Variants in SGK3 observed in about 807,000 individuals in gnomAD.
SGK3 encodes serum/glucocorticoid regulated kinase family member 3, also known as serine/threonine-protein kinase Sgk3.
A neutral mutation model predicts 68.5 loss-of-function variants in SGK3; 47 were observed. The ratio of observed to expected loss-of-function variants is 0.69; its 90% CI spans 0.54 to 0.87. The LOEUF (loss-of-function observed/expected upper bound fraction) is 0.87, where lower values mean the gene tolerates loss of function less well. SGK3 is among the 40% of genes least tolerant of loss of function. The pLI, the probability that SGK3 is intolerant of heterozygous loss-of-function variation, is 0.00. For missense variants in SGK3, 479 were observed against 575.5 expected (o/e 0.83, Z 1.72); for synonymous variants, 181 against 189.1 (o/e 0.96, Z 0.35).
At chr8:66,832,032 A>G (rs1809323152) in intron 8 of SGK3, among the ~76,000 whole-genome samples, 1 of 152,204 alleles carries the variant, frequency 6.6e-6, no homozygotes, top group Non-Finnish European at 1.5e-5. Flanking sequence ...ACAAAGGACA[A>G]TAGGCAGCTG....
At chr8:66,835,602 A>G (rs1448983085) in intron 8 of SGK3, among the ~76,000 whole-genome samples, 161 bp from the exon 9 acceptor site, 2 of 152,208 alleles carry the variant, frequency 1.3e-5, no homozygotes, top group African/African-American at 2.4e-5. Flanking sequence ...TGACAAAGAA[A>G]AGGTGCCTGA....
intron 8 of SGK3, among the ~76,000 whole-genome samples, chr8:66,831,528 A>C (rs1346045215): frequency 6.6e-6 from 1 of 152,068 alleles, no homozygotes; most frequent in Non-Finnish European, 1.5e-5. Flanking sequence ...TTTTGTAGAC[A>C]GGGCCTTGCT....
intron 1 of SGK3, among the ~76,000 whole-genome samples, chr8:66,748,628 C>T (rs992510369): frequency 6.6e-6 from 1 of 152,146 alleles, no homozygotes; most frequent in Non-Finnish European, 1.5e-5. Flanking sequence ...CCCACAGGAC[C>T]AGGCCAGCAG....
At chr8:66,821,345 T>C (rs1808805752) in intron 5 of SGK3, among the ~76,000 whole-genome samples, 1 of 152,210 alleles carries the variant, frequency 6.6e-6, no homozygotes, top group Admixed American at 6.5e-5. Flanking sequence ...AAAATGATAC[T>C]GTGTTATAGT....
chr8:66,826,037 AT>A (rs969745299), intron 6 of SGK3, among the ~76,000 whole-genome samples: 4 of 151,972 alleles, frequency 2.6e-5, no homozygotes, highest in African/African-American at 9.7e-5. Flanking sequence ...CAATGGCTCA[AT>A]CTCGGCTCAC....
Position 66,726,801 on chromosome 8 carries a change from T to TAAAAAAAAAAAAAAAAAAAAAAAAAAAA in SGK3, c.-122+13990_-122+13991insAAAAAAAAAAAAAAAAAAAAAAAAAAAA, listed in dbSNP as rs560794837. On this transcript the variant is annotated intron_variant, in intron 1 of 16. Transcript: ENST00000521198. Reference sequence around the variant, plus strand: ...GAATGACAGAGCAAGACCCTGTCTGTAAAAAAAAAAAAAAAAAAAAAAGAT... The same window carrying TAAAAAAAAAAAAAAAAAAAAAAAAAAAA: ...GAATGACAGAGCAAGACCCTGTCTGTAAAAAAAAAAAAAAAAAAAAAAAAAAAAAAAAAAAAAAAAAAAAAAAAAAGAT... Among the ~76,000 whole-genome samples the TAAAAAAAAAAAAAAAAAAAAAAAAAAAA allele has an allele frequency of 2.0e-4, 16 of 80,972 alleles. 1 individual carries two copies. Among genetic ancestry groups the TAAAAAAAAAAAAAAAAAAAAAAAAAAAA allele is most frequent in the Admixed American group, 7.1e-4 (5 of 7,062 alleles). The allele number at this position is 80,972 out of a possible 152,430, so 53.1% of individuals were successfully genotyped here.
At chr8:66,724,207 T>C (rs546925526) in intron 1 of SGK3, among the ~76,000 whole-genome samples, 25 of 152,348 alleles carry the variant, frequency 1.6e-4, no homozygotes, top group Non-Finnish European at 2.9e-4. Flanking sequence ...CTCAAACTCC[T>C]GGCCTCAAGC....
intron 1 of SGK3, among the ~76,000 whole-genome samples, chr8:66,724,186 C>T (rs1804908003): frequency 6.6e-6 from 1 of 152,212 alleles, no homozygotes; most frequent in African/African-American, 2.4e-5. Context: ...GATCCTGTTG[C>T]CCAGGCTAGT....
At chr8:66,723,437 T>C (rs1479153797) in intron 1 of SGK3, among the ~76,000 whole-genome samples, 2 of 151,440 alleles carry the variant, frequency 1.3e-5, no homozygotes, top group East Asian at 3.9e-4. Context: ...AGAGTGAAAC[T>C]CCGTCTCAGA....
At chr8:66,847,043 C>A in intron 14 of SGK3, 150 bp from the exon 15 acceptor site, 2 of 1,113,430 alleles carry the variant, frequency 1.8e-6, no homozygotes, top group Non-Finnish European at 2.5e-6. Context: ...AATCTCTTTG[C>A]TTCAGGAAGC....
intron 4 of SGK3, among the ~76,000 whole-genome samples, chr8:66,808,410 G>A (rs766910179): frequency 5.9e-5 from 9 of 152,004 alleles, no homozygotes; most frequent in African/African-American, 1.5e-4. Flanking sequence ...GTTATATGGC[G>A]TTGTTATTCT....
intron 3 of SGK3, among the ~76,000 whole-genome samples, chr8:66,802,880 G>A (rs1227061891): frequency 6.6e-6 from 1 of 152,008 alleles, no homozygotes; most frequent in African/African-American, 2.4e-5. Flanking sequence ...GGCCATTCCT[G>A]GTTCATCTCT....
intron 1 of SGK3, among the ~76,000 whole-genome samples, chr8:66,744,519 A>ATTTTTTT (rs55684607): frequency 1.4e-4 from 3 of 21,274 alleles, no homozygotes; most frequent in Admixed American, 6.5e-4. Context: ...ATATATATAT[A>ATTTTTTT]TTTTTTTTTT....
chr8:66,800,942 G>T (rs1807919312), intron 3 of SGK3, among the ~76,000 whole-genome samples: 1 of 152,114 alleles, frequency 6.6e-6, no homozygotes, highest in South Asian at 2.1e-4. Flanking sequence ...CCATGACCAT[G>T]CCACTACACC....
chr8:66,818,343 C>T (rs558530748), intron 5 of SGK3, among the ~76,000 whole-genome samples: 3 of 152,254 alleles, frequency 2.0e-5, no homozygotes, highest in Middle Eastern at 6.8e-3. Context: ...AAATGGCTTA[C>T]TGTCAGAGAA....
At chr8:66,838,855 T>C (rs1162459061) in intron 10 of SGK3, among the ~76,000 whole-genome samples, 4 of 152,198 alleles carry the variant, frequency 2.6e-5, no homozygotes, top group Non-Finnish European at 5.9e-5. Flanking sequence ...AAATTTTAAC[T>C]TTGACATACG....
intron 1 of SGK3, among the ~76,000 whole-genome samples, chr8:66,788,939 G>A (rs2130555995): frequency 6.6e-6 from 1 of 152,098 alleles, no homozygotes; most frequent in East Asian, 1.9e-4. Flanking sequence ...AGATGATCAA[G>A]GACTCTCCAG....
intron 15 of SGK3, 34 bp from the exon 16 acceptor site, chr8:66,850,797 G>A (rs767733481): frequency 3.4e-5 from 53 of 1,559,210 alleles, no homozygotes; most frequent in Non-Finnish European, 4.3e-5. Flanking sequence ...ATATTCTTCG[G>A]CATTAGTAAA....
intron 1 of SGK3, among the ~76,000 whole-genome samples, chr8:66,747,074 G>GT (rs150608528): frequency 0.017 from 2,611 of 151,568 alleles, 77 homozygotes; most frequent in African/African-American, 0.058. Flanking sequence ...AAAAAAAAGG[G>GT]TTTTTTTTCC....
Sources: gnomAD v4.1 joint callset for allele counts (sites outside exome capture counted in the v4.1 genomes callset) on GRCh38, gnomAD v4.1.1 for gene constraint, MANE v1.5 for transcripts, NCBI Gene and HGNC (gene_info 2026-07-23, HGNC 2026-07-21) for gene names.